SWT1: variants seen among roughly 807,000 people sequenced by gnomAD.
SWT1 encodes the protein transcriptional protein SWT1.
A neutral mutation model predicts 107.3 loss-of-function variants in SWT1; 33 were observed. That is an observed-to-expected ratio of 0.31 (90% CI 0.23 to 0.41). The LOEUF (loss-of-function observed/expected upper bound fraction) is 0.41, where lower values mean the gene tolerates loss of function less well. Ranked by LOEUF, SWT1 falls within the 10% of genes least tolerant of loss-of-function variation. The pLI, the probability that SWT1 is intolerant of heterozygous loss-of-function variation, is 1.00. For missense variants in SWT1, 898 were observed against 1,028.9 expected (o/e 0.87, Z 1.74); for synonymous variants, 345 against 348.3 (o/e 0.99, Z 0.11).
intron 13 of SWT1, among the ~76,000 whole-genome samples, chr1:185,212,803 C>CAAAA (rs71555460): frequency 7.7e-6 from 1 of 130,334 alleles, no homozygotes. Context: ...AACTCTGTCT[C>CAAAA]AAAAAAAAAA....
At chr1:185,159,412 A>G (rs1413767794) in intron 1 of SWT1, among the ~76,000 whole-genome samples, 12 of 152,258 alleles carry the variant, frequency 7.9e-5, no homozygotes, top group Admixed American at 6.5e-4. Context: ...ACTGTCATCC[A>G]CTAACAGTAT....
intron 10 of SWT1, among the ~76,000 whole-genome samples, chr1:185,194,987 C>T (rs1010485122): frequency 6.6e-6 from 1 of 151,832 alleles, no homozygotes; most frequent in African/African-American, 2.4e-5. Flanking sequence ...TCAGTTTCTC[C>T]TTTAACTTTC....
At chr1:185,160,781 A>G (rs900271756) in intron 1 of SWT1, 52 bp from the exon 2 acceptor site, 8 of 1,302,584 alleles carry the variant, frequency 6.1e-6, no homozygotes, top group Admixed American at 2.1e-5. Flanking sequence ...ACAAATTTCT[A>G]TTTTCTTTTT....
chr1:185,250,528 C>T lies in SWT1; in HGVS notation c.2441+18820C>T, dbSNP rs117699949. On this transcript the variant is annotated intron_variant, in intron 16 of 18. Transcript: ENST00000367500. ...TGCAGCCTACCACTCCTCTTCCTCT[C>T]TCTATACTCCACTTTCCCTCTGTGA... 5.5e-3 allele frequency among the ~76,000 whole-genome samples: 841 copies of T among 152,280 alleles called. 35 individuals carry two copies. In the East Asian group the frequency reaches 0.093, roughly 17 times the overall value.
At chr1:185,176,327 G>T (rs1431856705) in intron 5 of SWT1, among the ~76,000 whole-genome samples, 1 of 149,464 alleles carries the variant, frequency 6.7e-6, no homozygotes, top group Admixed American at 6.7e-5. Flanking sequence ...TTTACTGGAG[G>T]CTGGAGGGAG....
In SWT1 at chr1:185,166,481, T is replaced by C. The variant is rs559661544; in HGVS notation, c.85-91T>C. On this transcript the variant is annotated intron_variant, in intron 2 of 18. Transcript: ENST00000367500. Reference sequence around the variant, plus strand: ...CGAAGTTCATTATTGAATGTAAATGTTGATTTGTAATACTAGTGATGAAAT... The same window carrying C: ...CGAAGTTCATTATTGAATGTAAATGCTGATTTGTAATACTAGTGATGAAAT... 1.4e-3 allele frequency: 1,109 copies of C among 786,860 alleles called. 1 individual carries two copies. The highest frequency in any genetic ancestry group is 3.4e-3 in the Admixed American group (133 of 39,132). The allele number at this position is 786,860 out of a possible 1,614,324, so 48.7% of individuals were successfully genotyped here.
intron 2 of SWT1, among the ~76,000 whole-genome samples, chr1:185,164,261 G>T (rs1243062562): frequency 6.6e-6 from 1 of 151,862 alleles, no homozygotes; most frequent in African/African-American, 2.4e-5. Context: ...CTGTCATCCA[G>T]GCTTTGTTGT....
chr1:185,280,562 T>C (rs367887815), intron 18 of SWT1, among the ~76,000 whole-genome samples: 1 of 152,236 alleles, frequency 6.6e-6, no homozygotes, highest in African/African-American at 2.4e-5. Flanking sequence ...CTTGGTGGGC[T>C]CCTGGATGGG....
chr1:185,253,812 C>T (rs981695470), intron 16 of SWT1, among the ~76,000 whole-genome samples: 40 of 151,502 alleles, frequency 2.6e-4, no homozygotes, highest in Non-Finnish European at 3.8e-4. Context: ...CTTCCAACAC[C>T]ATGTTGAATA....
rs1655926243 is a variant in SWT1, at chr1:185,180,442, G to A, written c.1018G>A (p.Asp340Asn). 1.2e-6 allele frequency: 2 copies of A among 1,610,650 alleles called. No homozygotes were observed. Among genetic ancestry groups the A allele is most frequent in the Non-Finnish European group, 1.7e-6 (2 of 1,177,052 alleles). ...SVSSESIQDADQEMQIVEELH... is the reference protein window; with the variant it reads ...SVSSESIQDANQEMQIVEELH... Reference sequence around the variant, plus strand: ...GTCATCTGAAAGTATCCAGGATGCAGATCAAGAGGTTATTGATATTCTTGT... The same window carrying A: ...GTCATCTGAAAGTATCCAGGATGCAAATCAAGAGGTTATTGATATTCTTGT... The change falls in exon 6 of 19, where the codon GAT (aspartate) becomes AAT (asparagine). Residue 340 changes from aspartate (D) to asparagine (N), a missense_variant. This residue lies in a region of SWT1 where 94 missense variants were observed against 114.5 expected (regional missense o/e 0.82). Coordinates refer to ENST00000367500, the MANE Select transcript of SWT1 (RefSeq NM_017673.7).
intron 14 of SWT1, among the ~76,000 whole-genome samples, chr1:185,215,110 TA>T (rs1659115764): frequency 2.0e-5 from 3 of 152,210 alleles, no homozygotes; most frequent in Non-Finnish European, 4.4e-5. Context: ...ATTTCAAACT[TA>T]TAAAATGGTT....
At chr1:185,258,154 CATT>C (rs1662752911) in intron 16 of SWT1, 1 of 151,946 alleles carries the variant, frequency 6.6e-6, no homozygotes, top group East Asian at 1.9e-4. Flanking sequence ...ATTTCTATTT[CATT>C]ATTATTGTTA....
chr1:185,238,458 G>C (rs187684717), intron 16 of SWT1, among the ~76,000 whole-genome samples: 178 of 152,262 alleles, frequency 1.2e-3, no homozygotes, highest in African/African-American at 4.2e-3. Context: ...CAAATGTAAA[G>C]TTTAAGGTTT....
At chr1:185,182,189 G>T in intron 7 of SWT1, 132 bp downstream of exon 7, 7 of 903,776 alleles carry the variant, frequency 7.7e-6, no homozygotes, top group East Asian at 2.8e-5. Flanking sequence ...TAAAGTAATA[G>T]TTTATTTTTT....
chr1:185,162,529 C>T (rs879366650), intron 2 of SWT1, among the ~76,000 whole-genome samples: 5 of 152,098 alleles, frequency 3.3e-5, no homozygotes, highest in Non-Finnish European at 7.4e-5. Flanking sequence ...TTTCAGGTAC[C>T]CAGGCTTCGT....
At chr1:185,234,621 A>C (rs1480868502) in intron 16 of SWT1, among the ~76,000 whole-genome samples, 1 of 152,088 alleles carries the variant, frequency 6.6e-6, no homozygotes, top group Non-Finnish European at 1.5e-5. Flanking sequence ...TTTAAGGTTA[A>C]TATTGTTATG....
At chr1:185,172,635 A>G (rs886777183) in intron 4 of SWT1, among the ~76,000 whole-genome samples, 2 of 152,104 alleles carry the variant, frequency 1.3e-5, no homozygotes, top group South Asian at 4.1e-4. Flanking sequence ...TTATATTCAC[A>G]TTTCTTTGTG....
intron 14 of SWT1, among the ~76,000 whole-genome samples, chr1:185,219,454 T>G (rs1212996143): frequency 6.6e-6 from 1 of 152,206 alleles, no homozygotes; most frequent in African/African-American, 2.4e-5. Flanking sequence ...CTACTGATAG[T>G]ATTGGAAATT....
chr1:185,226,881 A>G (rs1391899578), intron 15 of SWT1: 16 of 1,482,312 alleles, frequency 1.1e-5, no homozygotes, highest in Non-Finnish European at 4.6e-6. Flanking sequence ...CTTCTGAGCA[A>G]TGGACATTTT....
Sources: gnomAD v4.1 joint callset for allele counts (sites outside exome capture counted in the v4.1 genomes callset) on GRCh38, gnomAD v4.1.1 for gene constraint, gnomAD v4.1.1 regional missense constraint, MANE v1.5 for transcripts, NCBI Gene and HGNC (gene_info 2026-07-23, HGNC 2026-07-21) for gene names.